Variants in DPYSL3 observed in about 807,000 individuals in gnomAD.
The protein encoded by DPYSL3 is dihydropyrimidinase like 3.
DPYSL3 carries 16 observed loss-of-function variants against 66.1 expected under a neutral mutation model. The observed-to-expected ratio is 0.24, with a 90% confidence interval of 0.16 to 0.37. DPYSL3 has a LOEUF of 0.37. Ranked by LOEUF, DPYSL3 falls within the 10% of genes least tolerant of loss-of-function variation. The pLI is 1.00. For synonymous variants in DPYSL3, 338 were observed against 345.1 expected (o/e 0.98, Z 0.23); for missense variants, 738 against 916.2 (o/e 0.81, Z 2.51).
intron 1 of DPYSL3, among the ~76,000 whole-genome samples, chr5:147,455,209 C>T (rs1302922344): frequency 6.6e-6 from 1 of 152,116 alleles, no homozygotes; most frequent in Non-Finnish European, 1.5e-5. Context: ...CAGAATACTC[C>T]GGCTTGGGCT....
intron 1 of DPYSL3, among the ~76,000 whole-genome samples, chr5:147,457,583 G>T (rs1275683900): frequency 6.6e-6 from 1 of 152,172 alleles, no homozygotes; most frequent in Non-Finnish European, 1.5e-5. Flanking sequence ...AATTAAGATG[G>T]CGAAGAATCA....
At chr5:147,462,772 A>C (rs747434595) in intron 1 of DPYSL3, among the ~76,000 whole-genome samples, 5 of 152,108 alleles carry the variant, frequency 3.3e-5, no homozygotes, top group Non-Finnish European at 7.3e-5. Context: ...CCTATGATTC[A>C]ATGACTCCTA....
At chr5:147,397,232 A>ACAAG (rs60436464) in intron 12 of DPYSL3, among the ~76,000 whole-genome samples, 5 of 151,364 alleles carry the variant, frequency 3.3e-5, no homozygotes, top group Middle Eastern at 3.2e-3. Context: ...AATCAGAGAA[A>ACAAG]TAAAGTTTTA....
At chr5:147,395,434 A>G (rs1757938838) in intron 13 of DPYSL3, 125 bp downstream of exon 13, 2 of 1,192,494 alleles carry the variant, frequency 1.7e-6, no homozygotes. Context: ...TTCTCCCTAA[A>G]GTTGACACCA....
chr5:147,493,834 A>G (rs192788504), intron 1 of DPYSL3, among the ~76,000 whole-genome samples: 3 of 152,320 alleles, frequency 2.0e-5, no homozygotes, highest in Non-Finnish European at 2.9e-5. Context: ...TTGGACCACA[A>G]TGGAATTAAA....
intron 1 of DPYSL3, among the ~76,000 whole-genome samples, chr5:147,427,593 T>C (rs758161374): frequency 6.6e-6 from 1 of 152,196 alleles, no homozygotes; most frequent in African/African-American, 2.4e-5. Context: ...AACTAGTGTG[T>C]ACACATTAGA....
chr5:147,433,291 G>A (rs191407131), intron 1 of DPYSL3, among the ~76,000 whole-genome samples: 9 of 152,256 alleles, frequency 5.9e-5, no homozygotes, highest in African/African-American at 2.2e-4. Context: ...CCATGCTCTG[G>A]GTCCGAAGCT....
intron 1 of DPYSL3, among the ~76,000 whole-genome samples, chr5:147,454,886 G>A (rs771907619): frequency 2.6e-5 from 4 of 152,182 alleles, no homozygotes; most frequent in Non-Finnish European, 4.4e-5. Flanking sequence ...GTGGCTGGGG[G>A]TGAGGGAGCT....
chr5:147,462,481 T>C (rs1752948133), intron 1 of DPYSL3, among the ~76,000 whole-genome samples: 1 of 152,102 alleles, frequency 6.6e-6, no homozygotes, highest in Non-Finnish European at 1.5e-5. Flanking sequence ...AAATGGAAGA[T>C]AAAGATAAAT....
intron 5 of DPYSL3, among the ~76,000 whole-genome samples, chr5:147,412,980 A>C (rs983167649): frequency 6.6e-6 from 1 of 152,180 alleles, no homozygotes; most frequent in Admixed American, 6.5e-5. Flanking sequence ...TTTTAATGGA[A>C]TTATTTTCCC....
chr5:147,408,661 A>T, intron 7 of DPYSL3, 67 bp downstream of exon 7: 1 of 1,552,034 alleles, frequency 6.4e-7, no homozygotes, highest in Non-Finnish European at 8.9e-7. Flanking sequence ...TGGTACTCAC[A>T]TTCTCGTCGC....
At chr5:147,402,465 A>G (rs1758217856) in intron 8 of DPYSL3, among the ~76,000 whole-genome samples, 5 of 145,686 alleles carry the variant, frequency 3.4e-5, no homozygotes, top group African/African-American at 5.5e-5. Context: ...CTCCTGCCTC[A>G]GCCTCCCGAG....
chr5:147,414,304 G>A (rs920032050), intron 4 of DPYSL3, among the ~76,000 whole-genome samples: 2 of 152,150 alleles, frequency 1.3e-5, no homozygotes, highest in African/African-American at 4.8e-5. Context: ...GAACTAATGG[G>A]CAGGTTTTAC....
intron 1 of DPYSL3, among the ~76,000 whole-genome samples, chr5:147,474,531 C>T (rs1753130300): frequency 6.6e-6 from 1 of 152,016 alleles, no homozygotes; most frequent in South Asian, 2.1e-4. Flanking sequence ...AGGATTTGAG[C>T]TCAAGCAGTC....
At chr5:147,497,770 C>T (rs1002473074) in intron 1 of DPYSL3, among the ~76,000 whole-genome samples, 1 of 151,248 alleles carries the variant, frequency 6.6e-6, no homozygotes, top group African/African-American at 2.4e-5. Context: ...ATAAAGAATA[C>T]GCTCAAAAAA....
intron 1 of DPYSL3, among the ~76,000 whole-genome samples, chr5:147,454,562 C>G (rs1470135971): frequency 6.6e-6 from 1 of 152,204 alleles, no homozygotes; most frequent in Non-Finnish European, 1.5e-5. Context: ...AAAGAAAGAA[C>G]ATGAATGCTG....
rs148279829 is a variant in DPYSL3, at chr5:147,447,345, T to C, written c.382-22382A>G. On this transcript the variant is annotated intron_variant, in intron 1 of 13. Transcript: ENST00000343218. ...TCTATTCCACCAAACTAGCTTTGGCTTTTTTTGAGGGATGGGAGGATACCT... is the reference window on the plus strand; with the variant it reads ...TCTATTCCACCAAACTAGCTTTGGCCTTTTTTGAGGGATGGGAGGATACCT... 1.2e-3 allele frequency among the ~76,000 whole-genome samples: 179 copies of C among 152,238 alleles called. 1 individual carries two copies. Among genetic ancestry groups the C allele is most frequent in the African/African-American group, 4.1e-3 (170 of 41,558 alleles).
At chr5:147,442,193 G>A (rs891979560) in intron 1 of DPYSL3, among the ~76,000 whole-genome samples, 1 of 152,188 alleles carries the variant, frequency 6.6e-6, no homozygotes, top group African/African-American at 2.4e-5. Flanking sequence ...CACAGAAAAT[G>A]TAAAATTAAA....
chr5:147,394,215 A>T, intron 13 of DPYSL3, 92 bp from the exon 14 acceptor site: 1 of 1,314,488 alleles, frequency 7.6e-7, no homozygotes, highest in Non-Finnish European at 1.1e-6. Flanking sequence ...TAATTTTAAG[A>T]GTGCAAGATA....
Sources: allele counts gnomAD v4.1 joint callset (sites outside exome capture counted in the v4.1 genomes callset), GRCh38; gene constraint gnomAD v4.1.1; transcripts MANE v1.5; gene names NCBI Gene and HGNC (gene_info 2026-07-23, HGNC 2026-07-21).